The following PPP2R2B variants were observed in gnomAD, a reference collection of about 807,000 sequenced individuals.
PPP2R2B encodes the protein serine/threonine-protein phosphatase 2A 55 kDa regulatory subunit B beta isoform.
PPP2R2B carries 5 observed loss-of-function variants against 46.0 expected under a neutral mutation model. The ratio of observed to expected loss-of-function variants is 0.11; its 90% confidence interval spans 0.06 to 0.23. The LOEUF is 0.23. Ranked by LOEUF, PPP2R2B falls within the 10% of genes least tolerant of loss-of-function variation. The pLI is 1.00. For missense variants in PPP2R2B, 367 were observed against 575.0 expected, an observed-to-expected ratio of 0.64 and a Z score of 3.70; for synonymous variants, 215 against 206.7, an observed-to-expected ratio of 1.04 and a Z score of -0.34.
At chr5:146,959,181 A>T (rs1224747098) in intron 1 of PPP2R2B, among the ~76,000 whole-genome samples, 1 of 152,204 alleles carries the variant, frequency 6.6e-6, no homozygotes, top group Non-Finnish European at 1.5e-5. Context: ...TTCAAATATG[A>T]TAGTCCTTGG....
At chr5:146,656,184 C>G (rs895763497) in intron 5 of PPP2R2B, among the ~76,000 whole-genome samples, 1 of 151,938 alleles carries the variant, frequency 6.6e-6, no homozygotes, top group East Asian at 1.9e-4. Context: ...GGCTAGCAAG[C>G]GAGAGGTATG....
In PPP2R2B at chr5:146,670,775, A is replaced by C. The variant is rs1202703984; in HGVS notation, c.448-20051T>G. Among the ~76,000 whole-genome samples the C allele has an allele frequency of 2.6e-5, 4 of 152,230 alleles. No homozygotes were observed. In the East Asian group the frequency reaches 7.7e-4, roughly 29 times the overall value. On this transcript the variant is annotated intron_variant, in intron 5 of 9. Coordinates refer to ENST00000394411, the MANE Select transcript of PPP2R2B (RefSeq NM_181675.4). ...CTCCTAAAGTACTGGGATTATAGGC[A>C]TGAGCCACTGCACCCGGCCCACTTA...
intron 1 of PPP2R2B, among the ~76,000 whole-genome samples, chr5:146,920,728 A>T (rs750797342): frequency 6.6e-6 from 1 of 152,070 alleles, no homozygotes; most frequent in Non-Finnish European, 1.5e-5. Flanking sequence ...GTTCCAGCAC[A>T]CTGCTCCAGC....
chr5:146,778,887 G>C (rs1755341247), intron 2 of PPP2R2B, among the ~76,000 whole-genome samples: 1 of 152,196 alleles, frequency 6.6e-6, no homozygotes, highest in African/African-American at 2.4e-5. Flanking sequence ...GTGGGGCAGG[G>C]CTGCCCATCT....
chr5:146,905,338 G>T lies in PPP2R2B; in HGVS notation c.79+150327C>A, dbSNP rs1225681496. Reference sequence around the variant, plus strand: ...TCCTCTCCTGCATATTTATTAGGGAGAAATAAAAGCATGTCCACACAAACA... The same window carrying T: ...TCCTCTCCTGCATATTTATTAGGGATAAATAAAAGCATGTCCACACAAACA... On this transcript the variant is annotated intron_variant, in intron 1 of 8. Transcript: ENST00000336640. Among the ~76,000 whole-genome samples, 3 of 152,168 alleles carry T rather than the reference G, an allele frequency of 2.0e-5. No individual in the cohort carries two copies. The South Asian group carries it at 6.2e-4, about 32-fold the overall frequency.
chr5:146,642,780 C>T (rs140190435), intron 6 of PPP2R2B, among the ~76,000 whole-genome samples: 221 of 152,294 alleles, frequency 1.5e-3, no homozygotes, highest in African/African-American at 4.8e-3. Flanking sequence ...CTTAGGGCCA[C>T]GCATGGTGGC....
chr5:146,590,698 G>C (rs1770550555), intron 9 of PPP2R2B, among the ~76,000 whole-genome samples: 1 of 152,104 alleles, frequency 6.6e-6, no homozygotes, highest in Non-Finnish European at 1.5e-5. Context: ...GGCCTCTAAG[G>C]CTTCATGGCA....
intron 1 of PPP2R2B, among the ~76,000 whole-genome samples, chr5:147,002,741 C>G (rs186536593): frequency 6.7e-6 from 1 of 148,620 alleles, no homozygotes; most frequent in Admixed American, 6.7e-5. Context: ...GGGACCATTG[C>G]GGGTTCTCGG....
intron 2 of PPP2R2B, among the ~76,000 whole-genome samples, chr5:146,829,270 C>G (rs1048805727): frequency 6.6e-6 from 1 of 152,022 alleles, no homozygotes; most frequent in Admixed American, 6.6e-5. Flanking sequence ...AGAAAAAAAC[C>G]TATTTTTTAA....
At chr5:147,046,452 A>T (rs1185760980) in intron 1 of PPP2R2B, among the ~76,000 whole-genome samples, 2 of 152,176 alleles carry the variant, frequency 1.3e-5, no homozygotes, top group African/African-American at 4.8e-5. Context: ...GCCAGTGAGG[A>T]AACAATGACT....
At chr5:147,024,770 A>G (rs193155894) in intron 1 of PPP2R2B, among the ~76,000 whole-genome samples, 29 of 152,334 alleles carry the variant, frequency 1.9e-4, no homozygotes, top group African/African-American at 6.7e-4. Flanking sequence ...CAACTAAGCA[A>G]TGATGACAAA....
chr5:146,846,335 C>T (rs1039014206), intron 2 of PPP2R2B, among the ~76,000 whole-genome samples: 4 of 142,734 alleles, frequency 2.8e-5, no homozygotes, highest in South Asian at 2.3e-4. Flanking sequence ...GCCAAGATTG[C>T]GCCACCACAC....
chr5:146,813,972 G>A (rs1192278344), intron 2 of PPP2R2B, among the ~76,000 whole-genome samples: 1 of 152,120 alleles, frequency 6.6e-6, no homozygotes, highest in Non-Finnish European at 1.5e-5. Flanking sequence ...GAAGGCAGGA[G>A]AAAAGGGAAG....
In PPP2R2B at chr5:146,808,719, G is replaced by A. The variant is rs77416864; in HGVS notation, c.70+69283C>T. Among the ~76,000 whole-genome samples, 67 of 152,170 alleles carry A rather than the reference G, an allele frequency of 4.4e-4. No homozygotes were observed. The East Asian group carries it at 0.012, about 28-fold the overall frequency. On this transcript the variant is annotated intron_variant, in intron 2 of 9. Coordinates refer to ENST00000394411, the MANE Select transcript of PPP2R2B (RefSeq NM_181675.4). ...ATCAGGGGAAAGAAAGTCCAATCAG[G>A]CAAGTTTTATTTCCTCTCTGAAATA...
chr5:146,734,257 A>G (rs1752409145), intron 2 of PPP2R2B, among the ~76,000 whole-genome samples: 1 of 151,972 alleles, frequency 6.6e-6, no homozygotes, highest in Admixed American at 6.6e-5. Context: ...GGGCCTCCCT[A>G]CATTGCCCAG....
chr5:147,057,452 G>A (rs1048215469), upstream of PPP2R2B, among the ~76,000 whole-genome samples: 1 of 152,210 alleles, frequency 6.6e-6, no homozygotes, highest in Non-Finnish European at 1.5e-5. Context: ...CAGTGAGGGA[G>A]TAGAAGGAGT....
At position 146,598,209 on chromosome 5, in the gene PPP2R2B, C is replaced by T. The variant is rs1771391960; in HGVS notation, c.960+2082G>A. On this transcript the variant is annotated intron_variant, in intron 8 of 9. Coordinates refer to ENST00000394411, the MANE Select transcript of PPP2R2B (RefSeq NM_181675.4). The stretch of plus-strand genomic sequence containing the variant: ...TCATTCAGGTTACTGATAATCTCCA[C>T]TTACTAAATCCAAGTTCGTAGTCTT... 2.0e-5 allele frequency among the ~76,000 whole-genome samples: 3 copies of T among 152,232 alleles called. No individual in the cohort carries two copies. In the South Asian group the frequency reaches 6.2e-4, roughly 31 times the overall value.
intron 1 of PPP2R2B, among the ~76,000 whole-genome samples, chr5:147,048,905 A>G (rs1489694199): frequency 6.6e-6 from 1 of 152,194 alleles, no homozygotes; most frequent in Non-Finnish European, 1.5e-5. Flanking sequence ...AATGTATAAA[A>G]CAGAGAAAGC....
At position 146,912,148 on chromosome 5, in the gene PPP2R2B, A is replaced by T. The variant is rs995963182; in HGVS notation, c.79+143517T>A. Among the ~76,000 whole-genome samples, 9 of 150,566 alleles carry T rather than the reference A, an allele frequency of 6.0e-5. 1 individual carries two copies. Among genetic ancestry groups the T allele is most frequent in the Non-Finnish European group, 1.5e-5 (1 of 67,886 alleles). On this transcript the variant is annotated intron_variant, in intron 1 of 8. Coordinates refer to the PPP2R2B transcript ENST00000336640. ...CAGCTACTTGGGAGGCTGAGGCAGA[A>T]GAACTGCTTGAACCTCGGAGGTGGA...
Sources: allele counts gnomAD v4.1 joint callset (sites outside exome capture counted in the v4.1 genomes callset), GRCh38; gene constraint gnomAD v4.1.1; transcripts MANE v1.5; gene names NCBI Gene and HGNC (gene_info 2026-07-23, HGNC 2026-07-21).